Variants in SH3RF3 observed in about 807,000 individuals in gnomAD.
SH3RF3 encodes E3 ubiquitin-protein ligase SH3RF3.
In SH3RF3, 29 loss-of-function variants were observed where a neutral mutation model predicts 66.3. The observed-to-expected ratio is 0.44, with a 90% confidence interval of 0.33 to 0.60. SH3RF3 has a LOEUF of 0.60. SH3RF3 is among the 20% of genes least tolerant of loss of function. The probability of loss-of-function intolerance (pLI) is 0.04; values close to 1 mark genes in which losing one functional copy is unlikely to be tolerated. For synonymous variants in SH3RF3, 583 were observed against 532.0 expected (o/e 1.10, Z -1.32); for missense variants, 1,194 against 1,190.9 (o/e 1.00, Z -0.04).
intron 1 of SH3RF3, among the ~76,000 whole-genome samples, chr2:109,165,037 A>G (rs1200760029): frequency 6.6e-6 from 1 of 152,144 alleles, no homozygotes; most frequent in Non-Finnish European, 1.5e-5. Context: ...TCCTTCACGG[A>G]ATCATTTTCC....
At chr2:109,252,654 C>A (rs887992008) in intron 1 of SH3RF3, among the ~76,000 whole-genome samples, 2 of 152,220 alleles carry the variant, frequency 1.3e-5, no homozygotes, top group African/African-American at 4.8e-5. Context: ...GCATGTAATA[C>A]ACCAAACCTA....
chr2:109,215,613 C>T (rs1022360878), intron 1 of SH3RF3, among the ~76,000 whole-genome samples: 1 of 152,100 alleles, frequency 6.6e-6, no homozygotes, highest in African/African-American at 2.4e-5. Flanking sequence ...TAGAGTTCTT[C>T]CTCGGTGACT....
intron 1 of SH3RF3, among the ~76,000 whole-genome samples, chr2:109,194,024 G>C (rs1344144124): frequency 2.0e-5 from 3 of 152,200 alleles, no homozygotes; most frequent in African/African-American, 7.2e-5. Flanking sequence ...GAAAGTTTTA[G>C]AACAGTCTGT....
chr2:109,475,144 AT>A (rs1399347673), intron 8 of SH3RF3, among the ~76,000 whole-genome samples: 1 of 151,754 alleles, frequency 6.6e-6, no homozygotes, highest in African/African-American at 2.4e-5. Flanking sequence ...CGCCCAGCTA[AT>A]TTTTTGTATT....
chr2:109,272,398 G>A (rs1680647393), intron 1 of SH3RF3, among the ~76,000 whole-genome samples: 1 of 152,242 alleles, frequency 6.6e-6, no homozygotes, highest in East Asian at 1.9e-4. Flanking sequence ...GGCACCATGA[G>A]GGCAAGCACG....
At chr2:109,131,073 A>G (rs1676682336) in intron 1 of SH3RF3, among the ~76,000 whole-genome samples, 2 of 152,204 alleles carry the variant, frequency 1.3e-5, no homozygotes, top group South Asian at 4.1e-4. Flanking sequence ...TTATTCCTCT[A>G]CTTTTGACCA....
At chr2:109,224,417 A>T (rs1394479466) in intron 1 of SH3RF3, among the ~76,000 whole-genome samples, 3 of 152,176 alleles carry the variant, frequency 2.0e-5, no homozygotes, top group Non-Finnish European at 4.4e-5. Flanking sequence ...TCTGATGTAA[A>T]AGGGACTTGA....
intron 1 of SH3RF3, among the ~76,000 whole-genome samples, chr2:109,181,254 T>C (rs1678067635): frequency 6.6e-6 from 1 of 152,222 alleles, no homozygotes; most frequent in South Asian, 2.1e-4. Context: ...GATTCCTGTA[T>C]ACCCCTTGCC....
chr2:109,148,288 C>T (rs1013639942), intron 1 of SH3RF3, among the ~76,000 whole-genome samples: 5 of 152,322 alleles, frequency 3.3e-5, no homozygotes, highest in Non-Finnish European at 5.9e-5. Context: ...GAGCAGAGCA[C>T]GTGAGGGAAT....
At position 109,129,221 on chromosome 2, in the gene SH3RF3, T is replaced by C; in HGVS notation, c.-320T>C. On this transcript the variant is annotated 5_prime_UTR_variant, in exon 1 of 10. Transcript: ENST00000309415. ...GCTTGCAGCACAGAACCCGTTGAGC[T>C]TCGTGCCCGGCAGCACCCCCGGTCC... 1.9e-6 allele frequency: 1 copy of C among 538,158 alleles called. No individual in the cohort carries two copies. The highest frequency in any genetic ancestry group is 3.4e-6 in the Non-Finnish European group (1 of 293,090). 33.3% of individuals were successfully genotyped at this position (538,158 alleles called of 1,614,324 possible). A position where few individuals can be genotyped will look rare whatever the true frequency, so the allele number is the denominator to read the frequency against.
At chr2:109,308,976 T>C (rs1681663206) in intron 1 of SH3RF3, among the ~76,000 whole-genome samples, 1 of 80,448 alleles carries the variant, frequency 1.2e-5, no homozygotes, top group Admixed American at 1.5e-4. Context: ...CATTGGTAGC[T>C]TGATGGGGAT....
chr2:109,284,642 G>T (rs1193546726), intron 1 of SH3RF3, among the ~76,000 whole-genome samples: 1 of 152,258 alleles, frequency 6.6e-6, no homozygotes, highest in African/African-American at 2.4e-5. Flanking sequence ...CATTGCCAAT[G>T]TCATGGGTTA....
At chr2:109,287,355 T>C (rs1019518414) in intron 1 of SH3RF3, among the ~76,000 whole-genome samples, 1 of 152,184 alleles carries the variant, frequency 6.6e-6, no homozygotes, top group Non-Finnish European at 1.5e-5. Flanking sequence ...AAAGTACATC[T>C]TGACTCTGAA....
intron 9 of SH3RF3, among the ~76,000 whole-genome samples, chr2:109,498,893 C>T (rs1679320607): frequency 6.6e-6 from 1 of 152,170 alleles, no homozygotes. Context: ...GAGGGAGCAG[C>T]ATATGGAGGA....
intron 1 of SH3RF3, among the ~76,000 whole-genome samples, chr2:109,161,237 G>A (rs1198866135): frequency 6.6e-6 from 1 of 152,180 alleles, no homozygotes; most frequent in African/African-American, 2.4e-5. Context: ...CACCTTATAA[G>A]TCAGGCACGA....
intron 1 of SH3RF3, among the ~76,000 whole-genome samples, chr2:109,206,710 G>A (rs1678850248): frequency 6.6e-6 from 1 of 152,002 alleles, no homozygotes. Context: ...CAGCTACTCA[G>A]GAGACTGAGG....
intron 1 of SH3RF3, among the ~76,000 whole-genome samples, chr2:109,220,659 T>C (rs1679208796): frequency 6.6e-6 from 1 of 152,188 alleles, no homozygotes; most frequent in African/African-American, 2.4e-5. Flanking sequence ...AGTAAGCACA[T>C]GAAAAGATGC....
intron 1 of SH3RF3, among the ~76,000 whole-genome samples, chr2:109,203,629 G>A (rs1345903910): frequency 6.6e-6 from 1 of 152,074 alleles, no homozygotes; most frequent in Admixed American, 6.5e-5. Context: ...AAGCATCGTG[G>A]CCCTGTCTCT....
intron 1 of SH3RF3, among the ~76,000 whole-genome samples, chr2:109,197,889 C>G (rs1311115450): frequency 6.6e-6 from 1 of 152,252 alleles, no homozygotes; most frequent in African/African-American, 2.4e-5. Flanking sequence ...CTGCACTTGC[C>G]TTTTGCATCA....
Sources: gnomAD v4.1 joint callset for allele counts (sites outside exome capture counted in the v4.1 genomes callset) on GRCh38, gnomAD v4.1.1 for gene constraint, MANE v1.5 for transcripts, NCBI Gene and HGNC (gene_info 2026-07-23, HGNC 2026-07-21) for gene names.